COL4A1: variants seen among roughly 807,000 people sequenced by gnomAD.
The protein encoded by COL4A1 is collagen type IV alpha 1 chain, also known as collagen alpha-1(IV) chain.
A neutral mutation model predicts 216.6 loss-of-function variants in COL4A1; 40 were observed. The ratio of observed to expected loss-of-function variants is 0.18; its 90% CI spans 0.14 to 0.24. COL4A1 has a LOEUF of 0.24. COL4A1 is among the 10% of genes least tolerant of loss of function. The probability of loss-of-function intolerance (pLI) is 1.00; values close to 1 mark genes in which losing one functional copy is unlikely to be tolerated. For synonymous variants in COL4A1, 839 were observed against 810.7 expected, an observed-to-expected ratio of 1.03 and a Z score of -0.59; for missense variants, 1,628 against 2,196.8, an observed-to-expected ratio of 0.74 and a Z score of 5.18.
intron 24 of COL4A1, among the ~76,000 whole-genome samples, chr13:110,188,919 G>A (rs1354412740): frequency 6.6e-6 from 1 of 152,186 alleles, no homozygotes; most frequent in Non-Finnish European, 1.5e-5. Context: ...CATCAAGCAG[G>A]CTTCCAGAAG....
chr13:110,149,864 T>C lies in COL4A1; in HGVS notation c.*499A>G, dbSNP rs1461296622. On this transcript the variant is annotated 3_prime_UTR_variant, in exon 52 of 52. Coordinates refer to ENST00000375820, the MANE Select transcript of COL4A1 (RefSeq NM_001845.6). Reference sequence around the variant, plus strand: ...GGGGTTGGAAGATATGGCTACTGAGTCTGTAATTCCATTTGGAGGTTCAAA... The same window carrying C: ...GGGGTTGGAAGATATGGCTACTGAGCCTGTAATTCCATTTGGAGGTTCAAA... 1 of 177,900 alleles carries C rather than the reference T, an allele frequency of 5.6e-6. No individual in the cohort carries two copies. The highest frequency in any genetic ancestry group is 1.5e-4 in the East Asian group (1 of 6,748). The allele number at this position is 177,900 out of a possible 1,614,324, so 11.0% of individuals were successfully genotyped here.
intron 43 of COL4A1, among the ~76,000 whole-genome samples, chr13:110,169,390 G>A (rs958306310): frequency 2.0e-5 from 3 of 151,742 alleles, no homozygotes; most frequent in Non-Finnish European, 4.4e-5. Context: ...TTGGAAAACT[G>A]GATTGTAAAA....
intron 22 of COL4A1, 85 bp from the exon 23 acceptor site, chr13:110,192,998 G>A (rs1057222715): frequency 5.6e-6 from 7 of 1,243,746 alleles, no homozygotes; most frequent in Non-Finnish European, 8.3e-6. Context: ...AAAAGGCAAG[G>A]CTGTCACTAA....
intron 1 of COL4A1, among the ~76,000 whole-genome samples, chr13:110,247,420 G>C (rs1320227696): frequency 1.3e-5 from 2 of 152,110 alleles, no homozygotes; most frequent in Non-Finnish European, 2.9e-5. Context: ...TTCTCTAAAA[G>C]TCTCTTAAAC....
chr13:110,297,116 T>C (rs899949272), intron 1 of COL4A1, among the ~76,000 whole-genome samples: 2 of 152,190 alleles, frequency 1.3e-5, no homozygotes, highest in Non-Finnish European at 2.9e-5. Flanking sequence ...GGTAATTAAC[T>C]CAACCTCCTA....
intron 1 of COL4A1, among the ~76,000 whole-genome samples, chr13:110,278,412 T>G (rs1883504662): frequency 6.6e-6 from 1 of 152,210 alleles, no homozygotes. Flanking sequence ...CCTGCGTATT[T>G]TCCCACAATT....
intron 1 of COL4A1, among the ~76,000 whole-genome samples, chr13:110,254,481 C>T (rs1221109291): frequency 6.6e-6 from 1 of 152,112 alleles, no homozygotes; most frequent in Non-Finnish European, 1.5e-5. Context: ...CACTGCGTTC[C>T]ACCAGCTGAC....
At chr13:110,210,774 C>A (rs1879756399) in intron 8 of COL4A1, among the ~76,000 whole-genome samples, 1 of 152,084 alleles carries the variant, frequency 6.6e-6, no homozygotes, top group Non-Finnish European at 1.5e-5. Context: ...GCTGGTGGGC[C>A]TCATCCCATC....
At chr13:110,205,197 C>T in intron 17 of COL4A1, 156 bp downstream of exon 17, 1 of 811,546 alleles carries the variant, frequency 1.2e-6, no homozygotes, top group Non-Finnish European at 2.0e-6. Context: ...AAATCATGAA[C>T]ATAAAGGAAA....
chr13:110,153,139 G>T (rs78997935), intron 50 of COL4A1, among the ~76,000 whole-genome samples: 3,806 of 152,218 alleles, frequency 0.025, 58 homozygotes, highest in East Asian at 0.039. Context: ...TTACAACAGA[G>T]CCCCGTGACT....
chr13:110,234,652 C>A (rs536375920), intron 2 of COL4A1, among the ~76,000 whole-genome samples: 1 of 152,206 alleles, frequency 6.6e-6, no homozygotes, highest in Non-Finnish European at 1.5e-5. Flanking sequence ...GCAGCACCCA[C>A]GGAAGGTCCA....
intron 1 of COL4A1, among the ~76,000 whole-genome samples, chr13:110,274,131 T>C (rs1883350532): frequency 6.6e-6 from 1 of 152,186 alleles, no homozygotes. Flanking sequence ...GGGGCAAATA[T>C]TAAGGCCCTG....
chr13:110,245,859 G>A (rs967253797), intron 1 of COL4A1, among the ~76,000 whole-genome samples: 4 of 152,150 alleles, frequency 2.6e-5, no homozygotes, highest in Non-Finnish European at 5.9e-5. Context: ...ACCACTTCAG[G>A]TACTAAGGAA....
At chr13:110,252,540 G>GTA in intron 1 of COL4A1, among the ~76,000 whole-genome samples, 1 of 8,394 alleles carries the variant, frequency 1.2e-4, no homozygotes, top group East Asian at 0.012. Context: ...ACGTATATAT[G>GTA]TATTATATAT....
chr13:110,263,277 C>T (rs186932983), intron 1 of COL4A1, among the ~76,000 whole-genome samples: 1 of 152,190 alleles, frequency 6.6e-6, no homozygotes, highest in Non-Finnish European at 1.5e-5. Flanking sequence ...AAATCAGGAA[C>T]GGAGGTTCAG....
At chr13:110,229,693 T>C (rs1160847860) in intron 2 of COL4A1, among the ~76,000 whole-genome samples, 3 of 152,152 alleles carry the variant, frequency 2.0e-5, no homozygotes, top group Non-Finnish European at 4.4e-5. Context: ...GCGCTGCCTA[T>C]GAAGAAGGGG....
intron 1 of COL4A1, among the ~76,000 whole-genome samples, chr13:110,290,011 G>T (rs1408714513): frequency 6.6e-6 from 1 of 152,214 alleles, no homozygotes; most frequent in South Asian, 2.1e-4. Context: ...TGAAGGGAAG[G>T]GTTGGCTGAA....
At chr13:110,302,925 G>A (rs1184725261) in intron 1 of COL4A1, among the ~76,000 whole-genome samples, 3 of 152,252 alleles carry the variant, frequency 2.0e-5, no homozygotes, top group Non-Finnish European at 2.9e-5. Context: ...ATTTTAATGA[G>A]GTTAATCCTT....
chr13:110,252,697 T>TATATGTATATATACATATA (rs1882197017), intron 1 of COL4A1, among the ~76,000 whole-genome samples: 5 of 139,372 alleles, frequency 3.6e-5, no homozygotes, highest in Admixed American at 7.6e-5. Context: ...TACATATAAT[T>TATATGTATATATACATATA]ATATGTATAT....
Sources: allele counts gnomAD v4.1 joint callset (sites outside exome capture counted in the v4.1 genomes callset), GRCh38; gene constraint gnomAD v4.1.1; transcripts MANE v1.5; gene names NCBI Gene and HGNC (gene_info 2026-07-23, HGNC 2026-07-21).